Variants in GDNF observed in about 807,000 individuals in gnomAD.
GDNF encodes the protein glial cell line-derived neurotrophic factor.
In GDNF, 5 loss-of-function variants were observed where a neutral mutation model predicts 13.7. The observed-to-expected ratio is 0.36, with a 90% CI of 0.19 to 0.77. The LOEUF (loss-of-function observed/expected upper bound fraction) is 0.77. Among genes scored for constraint, GDNF ranks in the 30% least tolerant of loss-of-function variants. GDNF has a pLI of 0.51. For missense variants in GDNF, 246 were observed against 274.3 expected (o/e 0.90, Z 0.73); for synonymous variants, 122 against 112.5 (o/e 1.08, Z -0.53).
At chr5:37,823,453 A>T (rs1351761816) in intron 2 of GDNF, 1 of 152,224 alleles carries the variant, frequency 6.6e-6, no homozygotes, top group African/African-American at 2.4e-5. Flanking sequence ...TTAGGCTGCC[A>T]TGGGCCACAG....
At chr5:37,822,483 G>A (rs1228810520) in intron 2 of GDNF, among the ~76,000 whole-genome samples, 5 of 152,188 alleles carry the variant, frequency 3.3e-5, no homozygotes, top group African/African-American at 9.7e-5. Flanking sequence ...TCAGTTTTGG[G>A]ATGGGGCAGG....
At chr5:37,821,885 A>C (rs535862754) in intron 2 of GDNF, among the ~76,000 whole-genome samples, 1 of 152,214 alleles carries the variant, frequency 6.6e-6, no homozygotes, top group Non-Finnish European at 1.5e-5. Flanking sequence ...AAAACATTAC[A>C]TTGGTTAAGC....
At chr5:37,836,289 C>A (rs1750700572) in intron 1 of GDNF, among the ~76,000 whole-genome samples, 1 of 152,134 alleles carries the variant, frequency 6.6e-6, no homozygotes, top group African/African-American at 2.4e-5. Flanking sequence ...ACAGGCACCC[C>A]CGCCTCCATT....
intron 2 of GDNF, among the ~76,000 whole-genome samples, chr5:37,826,924 T>A (rs1489642255): frequency 6.6e-6 from 1 of 152,212 alleles, no homozygotes; most frequent in Non-Finnish European, 1.5e-5. Flanking sequence ...TACAAAGGCA[T>A]TCATGCATGA....
At chr5:37,822,441 T>C (rs1171783773) in intron 2 of GDNF, among the ~76,000 whole-genome samples, 1 of 152,178 alleles carries the variant, frequency 6.6e-6, no homozygotes, top group Admixed American at 6.5e-5. Context: ...AAGTGAGAGA[T>C]ACATCAGGAA....
At chr5:37,823,342 T>C (rs1366635116) in intron 2 of GDNF, 1 of 152,196 alleles carries the variant, frequency 6.6e-6, no homozygotes, top group African/African-American at 2.4e-5. Context: ...ACATGCTGGT[T>C]TCACCTGTAC....
At chr5:37,830,155 A>G (rs919015146) in intron 2 of GDNF, among the ~76,000 whole-genome samples, 1 of 152,228 alleles carries the variant, frequency 6.6e-6, no homozygotes, top group Non-Finnish European at 1.5e-5. Flanking sequence ...CAGTTTACTA[A>G]GTATTTTTTG....
At chr5:37,835,529 T>C (rs901034495) in intron 1 of GDNF, 129 of 1,487,654 alleles carry the variant, frequency 8.7e-5, no homozygotes, top group Non-Finnish European at 2.4e-5. Flanking sequence ...CCCAAAGCAC[T>C]GATTCGATTT....
At chr5:37,833,738 T>G (rs778251978) in intron 2 of GDNF, among the ~76,000 whole-genome samples, 12 of 152,244 alleles carry the variant, frequency 7.9e-5, no homozygotes, top group Non-Finnish European at 1.3e-4. Flanking sequence ...CATTCCTGCT[T>G]TATTTTGGGG....
At chr5:37,836,218 G>A (rs1750698788) in intron 1 of GDNF, among the ~76,000 whole-genome samples, 1 of 152,106 alleles carries the variant, frequency 6.6e-6, no homozygotes, top group East Asian at 1.9e-4. Context: ...TCCCATGCGG[G>A]AGGGAAATGC....
intron 2 of GDNF, among the ~76,000 whole-genome samples, chr5:37,818,607 G>C (rs1051181817): frequency 3.3e-5 from 5 of 152,194 alleles, no homozygotes; most frequent in Non-Finnish European, 7.3e-5. Flanking sequence ...AGTCATGACA[G>C]ATCAAGGTAT....
intron 2 of GDNF, among the ~76,000 whole-genome samples, chr5:37,820,233 G>C (rs575041273): frequency 1.3e-5 from 2 of 152,164 alleles, no homozygotes; most frequent in African/African-American, 2.4e-5. Context: ...TAAGCTAATA[G>C]GAAAACATTA....
rs1750819988 is a variant in GDNF, at chr5:37,839,434, C to CT, written c.-27+72dup. On this transcript the variant is annotated intron_variant, in intron 1 of 2. Coordinates refer to ENST00000326524, the MANE Select transcript of GDNF (RefSeq NM_000514.4). The surrounding 1 kb of genome is among the most constrained non-coding windows in gnomAD (Gnocchi z 5.5). Reference sequence around the variant, plus strand: ...GACGCACCCCTCTGACTAGGGCGCCCTTCAGCCGGCCGCACCCACCCGCGA... The same window carrying CT: ...GACGCACCCCTCTGACTAGGGCGCCCTTTCAGCCGGCCGCACCCACCCGCGA... 6.5e-6 allele frequency: 1 copy of CT among 152,918 alleles called. No homozygotes were observed. The highest frequency in any genetic ancestry group is 2.1e-4 in the South Asian group (1 of 4,836). 9.5% of individuals were successfully genotyped at this position (152,918 alleles called of 1,614,324 possible). A position where few individuals can be genotyped will look rare whatever the true frequency, so the allele number is the denominator to read the frequency against.
chr5:37,825,496 C>T (rs890950403), intron 2 of GDNF, among the ~76,000 whole-genome samples: 7 of 152,258 alleles, frequency 4.6e-5, no homozygotes, highest in African/African-American at 1.7e-4. Flanking sequence ...TAATAAACAC[C>T]ACAAGCTAAT....
chr5:37,835,796 T>G, intron 1 of GDNF: 2 of 746,006 alleles, frequency 2.7e-6, no homozygotes, highest in Non-Finnish European at 4.8e-6. Flanking sequence ...CCGTCACGCC[T>G]GGACGACTGT....
Position 37,835,047 on chromosome 5 carries a change from G to A in GDNF, c.-26-225C>T, listed in dbSNP as rs536777479. 10 of 586,242 alleles carry A rather than the reference G, an allele frequency of 1.7e-5. No individual in the cohort carries two copies. The East Asian group carries it at 2.6e-4, about 15-fold the overall frequency. 36.3% of individuals were successfully genotyped at this position (586,242 alleles called of 1,614,324 possible). On this transcript the variant is annotated intron_variant, in intron 1 of 2. Coordinates refer to ENST00000326524, the MANE Select transcript of GDNF (RefSeq NM_000514.4). ...GCTCGCACTCCTGGTTCAGGTTGCA[G>A]CTGCCCTTCTCCACCACACGGTCTT...
rs1242055063 is a variant in GDNF, at chr5:37,815,576, C to T, written c.*75G>A. On this transcript the variant is annotated 3_prime_UTR_variant, in exon 3 of 3. Coordinates refer to ENST00000326524, the MANE Select transcript of GDNF (RefSeq NM_000514.4). The surrounding 1 kb of genome is among the most constrained non-coding windows in gnomAD (Gnocchi z 5.0). Reference sequence around the variant, plus strand: ...GTCCTCATCTTCCATTCTGGGCAAACATTTCCTGGGAACCTTGGTCCCTTT... The same window carrying T: ...GTCCTCATCTTCCATTCTGGGCAAATATTTCCTGGGAACCTTGGTCCCTTT... 5 of 1,415,756 alleles carry T rather than the reference C, an allele frequency of 3.5e-6. No individual in the cohort carries two copies. The highest frequency in any genetic ancestry group is 4.5e-5 in the East Asian group (2 of 43,972). 87.7% of individuals were successfully genotyped at this position (1,415,756 alleles called of 1,614,324 possible).
intron 1 of GDNF, chr5:37,835,346 C>A: frequency 1.2e-6 from 1 of 849,718 alleles, no homozygotes; most frequent in Non-Finnish European, 1.7e-6. Flanking sequence ...GCCTCGGGTC[C>A]CAACCGGGCT....
At chr5:37,835,129 C>G (rs1249613959) in intron 1 of GDNF, among the ~76,000 whole-genome samples, 1 of 151,554 alleles carries the variant, frequency 6.6e-6, no homozygotes, top group African/African-American at 2.4e-5. Context: ...CCCACCCCCA[C>G]CACCACGATT....
Sources: gnomAD v4.1 joint callset for allele counts (sites outside exome capture counted in the v4.1 genomes callset) on GRCh38, gnomAD v4.1.1 for gene constraint, Gnocchi (gnomAD v3.1) non-coding constraint, MANE v1.5 for transcripts, NCBI Gene and HGNC (gene_info 2026-07-23, HGNC 2026-07-21) for gene names.